The following DISP1 variants were observed in gnomAD, a reference collection of about 807,000 sequenced individuals.
DISP1 encodes the protein protein dispatched homolog 1.
Under a neutral mutation model 37.3 loss-of-function variants are expected in DISP1, and 30 were observed. The observed-to-expected ratio is 0.80, with a 90% confidence interval of 0.60 to 1.09. DISP1 has a LOEUF of 1.09. DISP1 is among the 50% of genes least tolerant of loss of function. The pLI, the probability that DISP1 is intolerant of heterozygous loss-of-function variation, is 0.00. For missense variants in DISP1, 1,598 were observed against 1,879.5 expected, an observed-to-expected ratio of 0.85 and a Z score of 2.77; for synonymous variants, 634 against 690.2, an observed-to-expected ratio of 0.92 and a Z score of 1.28.
intron 1 of DISP1, among the ~76,000 whole-genome samples, chr1:222,821,462 G>C (rs1662884043): frequency 6.6e-6 from 1 of 152,158 alleles, no homozygotes; most frequent in Non-Finnish European, 1.5e-5. Context: ...ATCTCATCTC[G>C]AATTGTAATC....
chr1:222,821,878 C>CAAAAAAA (rs35160286), intron 1 of DISP1, among the ~76,000 whole-genome samples: 11 of 73,590 alleles, frequency 1.5e-4, no homozygotes, highest in African/African-American at 6.0e-4. Context: ...GACTCCATCT[C>CAAAAAAA]AAAAAAAAAA....
rs1014185520 is a variant in DISP1, at chr1:222,836,762, T to TATAC, written c.-159+21685_-159+21686insTACA. 3.9e-3 allele frequency among the ~76,000 whole-genome samples: 571 copies of TATAC among 147,524 alleles called. 6 individuals carry two copies. The highest frequency in any genetic ancestry group is 0.012 in the African/African-American group (492 of 39,732). Reference sequence around the variant, plus strand: ...AAAAGAATATATATATATATATATATACACACACACACACACACACCTATT... The same window carrying TATAC: ...AAAAGAATATATATATATATATATATATACACACACACACACACACACACCTATT... On this transcript the variant is annotated intron_variant, in intron 1 of 8. Transcript: ENST00000675850.
At chr1:222,960,232 G>A (rs368852621) in intron 3 of DISP1, among the ~76,000 whole-genome samples, 5 of 152,216 alleles carry the variant, frequency 3.3e-5, no homozygotes, top group African/African-American at 9.6e-5. Flanking sequence ...GAAGTAAAAC[G>A]CTCCTCAGCA....
Position 223,002,479 on chromosome 1 carries a change from T to C in DISP1, c.1082T>C (p.Leu361Pro). 1 of 1,614,224 alleles carries C rather than the reference T, an allele frequency of 6.2e-7. No individual in the cohort carries two copies. Among genetic ancestry groups the C allele is most frequent in the Non-Finnish European group, 8.5e-7 (1 of 1,180,044 alleles). The change falls in exon 9 of 9, where the codon CTG (leucine) becomes CCG (proline). Residue 361 changes from leucine (L) to proline (P), a missense_variant. Coordinates refer to ENST00000675850, the MANE Select transcript of DISP1 (RefSeq NM_001377229.1). ...SWTLGNYIAILNNRSSCQKIV... is the reference protein window; with the variant it reads ...SWTLGNYIAIPNNRSSCQKIV... ...ACACTGGGAAACTACATCGCCATTC[T>C]GAACAATAGATCGTCCTGTCAGAAA... is the stretch of plus-strand genomic sequence containing the variant.
At chr1:222,840,580 C>T (rs1272371544) in intron 1 of DISP1, among the ~76,000 whole-genome samples, 1 of 139,774 alleles carries the variant, frequency 7.2e-6, no homozygotes, top group Non-Finnish European at 1.6e-5. Flanking sequence ...TTTTTTTTCC[C>T]TGAGACAGTT....
At chr1:222,951,354 C>T (rs1675203186) in intron 3 of DISP1, among the ~76,000 whole-genome samples, 2 of 123,370 alleles carry the variant, frequency 1.6e-5, no homozygotes, top group Non-Finnish European at 3.2e-5. Context: ...TATGAAGGGG[C>T]CTCTTTTAAA....
chr1:222,884,838 ATTAT>A lies in DISP1; in HGVS notation c.-158-43581_-158-43578del, dbSNP rs947133528. Among the ~76,000 whole-genome samples, 36 of 152,032 alleles carry A rather than the reference ATTAT, an allele frequency of 2.4e-4. 1 individual carries two copies. The highest frequency in any genetic ancestry group is 2.4e-3 in the Admixed American group (36 of 15,282). On this transcript the variant is annotated intron_variant, in intron 1 of 8. Transcript: ENST00000675850. Reference sequence around the variant, plus strand: ...GGTATGTGTCTAATGATGACTTTTTATTATTTATTTATTTGGTGAGACGGAGTCT... The same window carrying A: ...GGTATGTGTCTAATGATGACTTTTTATTATTTATTTGGTGAGACGGAGTCT...
chr1:222,912,699 C>A (rs1672276261), intron 1 of DISP1, among the ~76,000 whole-genome samples: 1 of 152,160 alleles, frequency 6.6e-6, no homozygotes, highest in African/African-American at 2.4e-5. Flanking sequence ...TGAGTTGACT[C>A]ATGGATTAAT....
At chr1:222,841,505 A>G (rs1463735480) in intron 1 of DISP1, among the ~76,000 whole-genome samples, 1 of 152,172 alleles carries the variant, frequency 6.6e-6, no homozygotes, top group African/African-American at 2.4e-5. Flanking sequence ...CTGGGTTCCA[A>G]AGTTTATGTG....
chr1:222,825,223 T>G (rs1372267007), intron 1 of DISP1, among the ~76,000 whole-genome samples: 2 of 152,230 alleles, frequency 1.3e-5, no homozygotes, highest in African/African-American at 4.8e-5. Flanking sequence ...TTCTTTTTCA[T>G]TCCCAACTGT....
intron 1 of DISP1, among the ~76,000 whole-genome samples, chr1:222,902,418 C>T (rs1291420128): frequency 1.3e-5 from 2 of 152,094 alleles, no homozygotes; most frequent in Non-Finnish European, 2.9e-5. Context: ...TCTAAAACAC[C>T]AAAAGCAATG....
chr1:222,977,090 C>T (rs971970132), intron 3 of DISP1, among the ~76,000 whole-genome samples: 3 of 152,100 alleles, frequency 2.0e-5, no homozygotes, highest in Non-Finnish European at 2.9e-5. Flanking sequence ...AGTACAATGG[C>T]GCGATCTCGG....
intron 1 of DISP1, among the ~76,000 whole-genome samples, chr1:222,833,992 T>C (rs938452105): frequency 1.3e-5 from 2 of 152,182 alleles, no homozygotes; most frequent in African/African-American, 4.8e-5. Context: ...CCTTGGTACA[T>C]GGTGAGTCTT....
At chr1:222,931,370 G>A (rs1028749573) in intron 2 of DISP1, among the ~76,000 whole-genome samples, 5 of 151,386 alleles carry the variant, frequency 3.3e-5, no homozygotes, top group Admixed American at 1.3e-4. Context: ...TTTTAGACAT[G>A]CTTGTGATGT....
In DISP1 at chr1:222,854,370, G is replaced by A. The variant is rs550007228; in HGVS notation, c.-159+39292G>A. On this transcript the variant is annotated intron_variant, in intron 1 of 8. Coordinates refer to ENST00000675850, the MANE Select transcript of DISP1 (RefSeq NM_001377229.1). ...GGCATCTCTTCAAAGGGTGGCAGGA[G>A]GGAATGAGTGCAAGCAGGGGAAATG... is the stretch of plus-strand genomic sequence containing the variant. Among the ~76,000 whole-genome samples the A allele has an allele frequency of 2.0e-5, 3 of 152,256 alleles. No individual in the cohort carries two copies. The South Asian group carries it at 6.2e-4, about 32-fold the overall frequency.
At position 223,002,643 on chromosome 1, in the gene DISP1, C is replaced by T. The variant is rs767054825; in HGVS notation, c.1246C>T (p.Arg416Cys). ...KDQLKCTNVP[R>C]KCTKYNAVYQ... is the part of the protein sequence containing the mutation. The stretch of plus-strand genomic sequence containing the variant: ...CCAGCTCAAGTGCACCAATGTGCCA[C>T]GCAAATGTACCAAGTACAATGCTGT... The change falls in exon 9 of 9, where the codon CGC (arginine) becomes TGC (cysteine). Residue 416 changes from arginine to cysteine, a missense_variant. Arg to Cys is a radical substitution (Grantham distance 180, BLOSUM62 -3). Transcript: ENST00000675850. 8.1e-6 allele frequency: 13 copies of T among 1,614,044 alleles called. No homozygotes were observed. Among genetic ancestry groups the T allele is most frequent in the South Asian group, 1.1e-5 (1 of 91,072 alleles).
At chr1:222,924,919 C>G (rs1375356175) in intron 1 of DISP1, among the ~76,000 whole-genome samples, 5 of 151,978 alleles carry the variant, frequency 3.3e-5, no homozygotes, top group Non-Finnish European at 1.5e-5. Flanking sequence ...GTCTCTTTTT[C>G]CCTCCCCCAT....
chr1:222,982,975 G>A (rs1289531227), intron 3 of DISP1, 105 bp from the exon 4 acceptor site: 17 of 834,774 alleles, frequency 2.0e-5, no homozygotes, highest in Non-Finnish European at 2.0e-6. Context: ...CTTTGTAAGA[G>A]ATAACAAGTA....
At chr1:222,855,526 A>G (rs1668499894) in intron 1 of DISP1, among the ~76,000 whole-genome samples, 1 of 152,170 alleles carries the variant, frequency 6.6e-6, no homozygotes, top group African/African-American at 2.4e-5. Context: ...AGCACATGGA[A>G]ATCGTTATTA....
Sources: gnomAD v4.1 joint callset for allele counts (sites outside exome capture counted in the v4.1 genomes callset) on GRCh38, gnomAD v4.1.1 for gene constraint, MANE v1.5 for transcripts, NCBI Gene and HGNC (gene_info 2026-07-23, HGNC 2026-07-21) for gene names.